Variants in KLHL24 observed in about 807,000 individuals in gnomAD.
The protein encoded by KLHL24 is kelch like family member 24, also known as kelch-like protein 24.
Under a neutral mutation model 53.4 loss-of-function variants are expected in KLHL24, and 29 were observed. That is an observed-to-expected ratio of 0.54 (90% CI 0.40 to 0.74). KLHL24 has a LOEUF of 0.74. Ranked by LOEUF, KLHL24 falls within the 30% of genes least tolerant of loss-of-function variation. The pLI is 0.00. For synonymous variants in KLHL24, 222 were observed against 253.7 expected (o/e 0.88, Z 1.19); for missense variants, 504 against 744.0 (o/e 0.68, Z 3.75).
intron 1 of KLHL24, among the ~76,000 whole-genome samples, chr3:183,641,709 G>T (rs13097199): frequency 0.34 from 50,818 of 151,692 alleles, 9,362 homozygotes; most frequent in African/African-American, 0.49. Flanking sequence ...TGGTTCCTTT[G>T]TTTTCTGGTA....
At chr3:183,670,918 A>G (rs1721253474) in intron 5 of KLHL24, 116 bp from the exon 6 acceptor site, 1 of 702,466 alleles carries the variant, frequency 1.4e-6, no homozygotes, top group African/African-American at 1.8e-5. Flanking sequence ...ATATATTGCA[A>G]TTATATTTAT....
At chr3:183,647,101 G>A (rs1460103733) in intron 2 of KLHL24, among the ~76,000 whole-genome samples, 6 of 145,798 alleles carry the variant, frequency 4.1e-5, no homozygotes, top group East Asian at 2.1e-4. Context: ...GTCAGCCACC[G>A]CGCCCGGCCT....
At chr3:183,641,261 G>A (rs564870488) in intron 1 of KLHL24, among the ~76,000 whole-genome samples, 5 of 152,130 alleles carry the variant, frequency 3.3e-5, no homozygotes, top group South Asian at 2.1e-4. Context: ...TTGGGAGGTC[G>A]AGGCGGGTGG....
At chr3:183,648,794 G>A (rs1435144551) in intron 2 of KLHL24, among the ~76,000 whole-genome samples, 1 of 152,092 alleles carries the variant, frequency 6.6e-6, no homozygotes, top group Non-Finnish European at 1.5e-5. Context: ...TTGAGGCCAG[G>A]AGTTCAAGAC....
chr3:183,670,967 C>T, intron 5 of KLHL24, 67 bp from the exon 6 acceptor site: 1 of 1,100,322 alleles, frequency 9.1e-7, no homozygotes, highest in Non-Finnish European at 1.4e-6. Flanking sequence ...TCCCTTAATT[C>T]TTTAGCCAAC....
chr3:183,682,961 G>T lies in KLHL24; in HGVS notation c.*3675G>T, dbSNP rs73174076. 0.062 allele frequency: 9,251 copies of T among 150,110 alleles called. 443 individuals carry two copies. The highest frequency in any genetic ancestry group is 0.13 in the Middle Eastern group (39 of 294). 9.3% of individuals were successfully genotyped at this position (150,110 alleles called of 1,614,324 possible). ...CGTTTTTTTTTTTTTTTGGGGAAGG[G>T]GGGAGAACGGGGTCTTGCTCTGTCG... is the stretch of plus-strand genomic sequence containing the variant. On this transcript the variant is annotated 3_prime_UTR_variant, in exon 8 of 8. Transcript: ENST00000242810.
Position 183,663,564 on chromosome 3 carries a change from A to G in KLHL24, c.1027A>G (p.Lys343Glu). The G allele has an allele frequency of 2.5e-6, 4 of 1,609,284 alleles. No homozygotes were observed. Among genetic ancestry groups the G allele is most frequent in the Non-Finnish European group, 1.7e-6 (2 of 1,177,168 alleles). Reference sequence around the variant, plus strand: ...CTACGATCCTGTAACAGGAGAATGGAAGTCTTTGGCTAAGCTTCCAGAATT... The same window carrying G: ...CTACGATCCTGTAACAGGAGAATGGGAGTCTTTGGCTAAGCTTCCAGAATT... ...ECYDPVTGEW[K>E]SLAKLPEFTK... Residue 343 changes from lysine (K) to glutamate (E), a missense_variant, in exon 4 of 8, where the codon AAG becomes GAG. Transcript: ENST00000242810. The surrounding 1 kb of genome is among the most constrained non-coding windows in gnomAD (Gnocchi z 4.9).
chr3:183,670,195 G>T (rs1180536100), intron 5 of KLHL24, among the ~76,000 whole-genome samples: 1 of 152,154 alleles, frequency 6.6e-6, no homozygotes, highest in Non-Finnish European at 1.5e-5. Context: ...AACCTCGGAG[G>T]TTGAGGCTGT....
At chr3:183,657,158 T>G (rs1197208208) in intron 3 of KLHL24, among the ~76,000 whole-genome samples, 3 of 152,162 alleles carry the variant, frequency 2.0e-5, no homozygotes, top group African/African-American at 7.2e-5. Context: ...TCATTTCCCC[T>G]GATAGATGCT....
intron 7 of KLHL24, among the ~76,000 whole-genome samples, chr3:183,677,948 C>T (rs187621884): frequency 4.6e-5 from 7 of 152,044 alleles, no homozygotes; most frequent in Non-Finnish European, 7.4e-5. Context: ...CCCCCCACCA[C>T]GTCCAGCTAA....
In KLHL24 at chr3:183,643,543, G is replaced by A. The variant is rs940587421; in HGVS notation, c.-62+1G>A. On this transcript the variant is annotated splice_donor_variant, in intron 2 of 7. Coordinates refer to ENST00000242810, the MANE Select transcript of KLHL24 (RefSeq NM_017644.3). LOFTEE classifies it low-confidence loss of function (5UTR_SPLICE). ...CTTTGATCAACCAAATGCTAAAAAG[G>A]TATATTTGTAATATTTATAAACTAT... 2.0e-5 allele frequency: 3 copies of A among 152,138 alleles called. No homozygotes were observed. The highest frequency in any genetic ancestry group is 4.4e-5 in the Non-Finnish European group (3 of 68,026). The allele number at this position is 152,138 out of a possible 1,614,324, so 9.4% of individuals were successfully genotyped here.
intron 1 of KLHL24, among the ~76,000 whole-genome samples, chr3:183,641,946 C>T (rs576912982): frequency 6.6e-6 from 1 of 152,152 alleles, no homozygotes; most frequent in Non-Finnish European, 1.5e-5. Context: ...AGAAAATGTC[C>T]AGGTGAATTG....
intron 3 of KLHL24, among the ~76,000 whole-genome samples, chr3:183,654,606 C>G (rs536708247): frequency 6.6e-6 from 1 of 152,104 alleles, no homozygotes; most frequent in East Asian, 1.9e-4. Context: ...TTCATATTAT[C>G]TAATACGCAA....
chr3:183,642,602 CAAAAAAAAAAA>C (rs377410456), intron 1 of KLHL24, among the ~76,000 whole-genome samples: 2,762 of 92,964 alleles, frequency 0.03, 93 homozygotes, highest in African/African-American at 0.086. Flanking sequence ...CCCCTTCCAC[CAAAAAAAAAAA>C]AAAAAAAAAA....
chr3:183,668,388 A>G (rs1720871010), intron 5 of KLHL24, among the ~76,000 whole-genome samples: 1 of 152,188 alleles, frequency 6.6e-6, no homozygotes, highest in Non-Finnish European at 1.5e-5. Context: ...AGAAGCACTA[A>G]ATCAATAAAG....
intron 2 of KLHL24, among the ~76,000 whole-genome samples, chr3:183,644,441 CAA>C (rs1395972177): frequency 6.6e-6 from 1 of 152,024 alleles, no homozygotes; most frequent in East Asian, 1.9e-4. Flanking sequence ...TCAAGATGCC[CAA>C]AAGTCAGGAG....
intron 1 of KLHL24, chr3:183,642,997 G>A (rs9848549): frequency 0.32 from 48,327 of 152,092 alleles, 8,200 homozygotes; most frequent in East Asian, 0.47. Context: ...TTGGGAGGCC[G>A]AGGCGGGCGG....
chr3:183,659,548 C>T (rs781496648), intron 3 of KLHL24, among the ~76,000 whole-genome samples: 5 of 152,114 alleles, frequency 3.3e-5, no homozygotes, highest in African/African-American at 4.8e-5. Context: ...GAAAAGGATA[C>T]GAGAATCAGT....
intron 3 of KLHL24, among the ~76,000 whole-genome samples, chr3:183,657,895 A>C (rs1719134309): frequency 6.6e-6 from 1 of 152,144 alleles, no homozygotes; most frequent in Non-Finnish European, 1.5e-5. Context: ...CTTTATTACT[A>C]GTTTTTTGAA....
Sources: allele counts gnomAD v4.1 joint callset (sites outside exome capture counted in the v4.1 genomes callset), GRCh38; gene constraint gnomAD v4.1.1; non-coding constraint Gnocchi (gnomAD v3.1); transcripts MANE v1.5; gene names NCBI Gene and HGNC (gene_info 2026-07-23, HGNC 2026-07-21).